Variants in HECW1 observed in about 807,000 individuals in gnomAD.
HECW1 encodes E3 ubiquitin-protein ligase HECW1.
In HECW1, 61 loss-of-function variants were observed where a neutral mutation model predicts 182.3. The ratio of observed to expected loss-of-function variants is 0.33; its 90% CI spans 0.27 to 0.41. The LOEUF (loss-of-function observed/expected upper bound fraction) is 0.41, where lower values mean the gene tolerates loss of function less well. HECW1 is among the 10% of genes least tolerant of loss of function. HECW1 has a pLI of 1.00. For missense variants in HECW1, 1,739 were observed against 2,108.9 expected (o/e 0.82, Z 3.44); for synonymous variants, 859 against 832.6 (o/e 1.03, Z -0.55).
At chr7:43,205,280 T>G (rs927095395) in intron 2 of HECW1, among the ~76,000 whole-genome samples, 3 of 152,118 alleles carry the variant, frequency 2.0e-5, no homozygotes, top group Non-Finnish European at 4.4e-5. Flanking sequence ...AGGTGGTGTT[T>G]CACTATGTTG....
chr7:43,523,906 T>C (rs942743214), intron 24 of HECW1, among the ~76,000 whole-genome samples: 3 of 152,070 alleles, frequency 2.0e-5, no homozygotes, highest in African/African-American at 7.2e-5. Flanking sequence ...TAGAAAAGCC[T>C]CTGTCCTCCA....
intron 17 of HECW1, among the ~76,000 whole-genome samples, chr7:43,488,382 GGAAGGAAGGAAGGAAGGAAAT>G (rs2078746931): frequency 4.1e-5 from 3 of 72,352 alleles, no homozygotes; most frequent in South Asian, 5.1e-4. Context: ...AAGGAAGGAA[GGAAGGAAGGAAGGAAGGAAAT>G]GAAAGAAAGA....
chr7:43,512,425 T>C (rs894812439), intron 24 of HECW1, among the ~76,000 whole-genome samples: 6 of 152,218 alleles, frequency 3.9e-5, no homozygotes, highest in Non-Finnish European at 7.4e-5. Context: ...TTTCCAAAAA[T>C]AGAAATTTTA....
chr7:43,411,587 T>C (rs1413247608), intron 8 of HECW1, among the ~76,000 whole-genome samples: 1 of 152,224 alleles, frequency 6.6e-6, no homozygotes, highest in Non-Finnish European at 1.5e-5. Flanking sequence ...CATGTTTAAA[T>C]CCTTTACTAT....
At chr7:43,153,350 C>T (rs1483486479) in intron 2 of HECW1, among the ~76,000 whole-genome samples, 2 of 152,028 alleles carry the variant, frequency 1.3e-5, no homozygotes, top group Non-Finnish European at 2.9e-5. Context: ...CCTTTCCTGT[C>T]GATGTATATC....
At chr7:43,295,137 C>G (rs1331740542) in intron 3 of HECW1, among the ~76,000 whole-genome samples, 2 of 151,344 alleles carry the variant, frequency 1.3e-5, no homozygotes, top group African/African-American at 4.9e-5. Flanking sequence ...AACAATAGGG[C>G]AAAAAAAGAA....
At chr7:43,512,476 T>C (rs1276257920) in intron 24 of HECW1, among the ~76,000 whole-genome samples, 1 of 152,246 alleles carries the variant, frequency 6.6e-6, no homozygotes, top group Non-Finnish European at 1.5e-5. Flanking sequence ...GTGAAATTGG[T>C]ATTCATATTT....
At chr7:43,359,514 T>A (rs1815603217) in intron 5 of HECW1, among the ~76,000 whole-genome samples, 1 of 152,230 alleles carries the variant, frequency 6.6e-6, no homozygotes, top group African/African-American at 2.4e-5. Context: ...ATTCAGTTGT[T>A]CTGTATAATA....
chr7:43,552,567 C>T (rs952621622), intron 28 of HECW1, among the ~76,000 whole-genome samples: 18 of 152,202 alleles, frequency 1.2e-4, no homozygotes, highest in African/African-American at 3.6e-4. Context: ...TGCTCTCACT[C>T]TCACGCCCCT....
intron 2 of HECW1, among the ~76,000 whole-genome samples, chr7:43,242,106 C>T (rs1482244971): frequency 6.6e-6 from 1 of 152,114 alleles, no homozygotes; most frequent in Non-Finnish European, 1.5e-5. Context: ...ATCCACTTTG[C>T]ATGTTTGTAT....
At chr7:43,499,994 A>G (rs937875539) in intron 19 of HECW1, among the ~76,000 whole-genome samples, 3 of 152,194 alleles carry the variant, frequency 2.0e-5, no homozygotes, top group Middle Eastern at 3.4e-3. Context: ...TCTGTGCCCA[A>G]TGTGGCATCA....
Position 43,407,748 on chromosome 7 carries a change from C to A in HECW1, c.801+17C>A. The A allele has an allele frequency of 6.3e-7, 1 of 1,586,098 alleles. No homozygotes were observed. The highest frequency in any genetic ancestry group is 8.6e-7 in the Non-Finnish European group (1 of 1,164,984). ...CAGGCCGAGGTGAGTGCTGTGGGCCCTGAAAAAAAGCCCAAGTAAAAGTGA... is the reference window on the plus strand; with the variant it reads ...CAGGCCGAGGTGAGTGCTGTGGGCCATGAAAAAAAGCCCAAGTAAAAGTGA... On this transcript the variant is annotated intron_variant, in intron 8 of 29. Coordinates refer to ENST00000395891, the MANE Select transcript of HECW1 (RefSeq NM_015052.5).
At chr7:43,113,962 A>G (rs1206138551) in intron 1 of HECW1, 195 bp from the exon 2 acceptor site, 1 of 312,802 alleles carries the variant, frequency 3.2e-6, no homozygotes, top group East Asian at 5.3e-5. Context: ...CACAGGCTGC[A>G]GAGATGCCCG....
At chr7:43,501,423 G>T (rs1035739866) in intron 21 of HECW1, 101 bp downstream of exon 21, 2 of 640,764 alleles carry the variant, frequency 3.1e-6, no homozygotes, top group East Asian at 2.8e-5. Context: ...TCTTTCTCTC[G>T]GCCTTCCCAA....
At chr7:43,154,117 G>T (rs1457131052) in intron 2 of HECW1, among the ~76,000 whole-genome samples, 1 of 152,098 alleles carries the variant, frequency 6.6e-6, no homozygotes, top group East Asian at 1.9e-4. Flanking sequence ...ATGTGGTATT[G>T]ATTTCCTCTA....
At chr7:43,142,525 A>G (rs1788268625) in intron 2 of HECW1, among the ~76,000 whole-genome samples, 1 of 152,116 alleles carries the variant, frequency 6.6e-6, no homozygotes, top group African/African-American at 2.4e-5. Flanking sequence ...CTCCCTCCCC[A>G]CACAAAGCCA....
intron 5 of HECW1, among the ~76,000 whole-genome samples, chr7:43,323,584 G>A (rs1224428805): frequency 2.6e-5 from 4 of 152,038 alleles, no homozygotes; most frequent in East Asian, 1.9e-4. Context: ...CAGCCTGGGC[G>A]GCAGAATGAG....
At chr7:43,484,860 A>C (rs1233950992) in intron 17 of HECW1, among the ~76,000 whole-genome samples, 1 of 152,228 alleles carries the variant, frequency 6.6e-6, no homozygotes, top group South Asian at 2.1e-4. Context: ...AGCAGGCCTT[A>C]TCTCTCCTCA....
At chr7:43,399,824 C>T (rs778935810) in intron 7 of HECW1, among the ~76,000 whole-genome samples, 2 of 152,138 alleles carry the variant, frequency 1.3e-5, no homozygotes, top group Non-Finnish European at 2.9e-5. Context: ...TAGTAGCTAG[C>T]GGAGCAAGCT....
Sources: allele counts gnomAD v4.1 joint callset (sites outside exome capture counted in the v4.1 genomes callset), GRCh38; gene constraint gnomAD v4.1.1; transcripts MANE v1.5; gene names NCBI Gene and HGNC (gene_info 2026-07-23, HGNC 2026-07-21).